The following AMMECR1 variants were observed in gnomAD, a reference collection of about 807,000 sequenced individuals.
The protein encoded by AMMECR1 is nuclear protein AMMECR1.
AMMECR1 carries 3 observed loss-of-function variants against 22.5 expected under a neutral mutation model. The observed-to-expected ratio is 0.13, with a 90% CI of 0.06 to 0.35. AMMECR1 has a LOEUF of 0.35. Ranked by LOEUF, AMMECR1 falls within the 10% of genes least tolerant of loss-of-function variation. The pLI, the probability that AMMECR1 is intolerant of heterozygous loss-of-function variation, is 1.00. For missense variants in AMMECR1, 235 were observed against 278.7 expected (o/e 0.84, Z 1.12); for synonymous variants, 130 against 116.7 (o/e 1.11, Z -0.74).
chrX:110,307,864 CTTTTTTTTTTTT>C (rs1162615101), intron 1 of AMMECR1, among the ~76,000 whole-genome samples: 1 of 63,620 alleles, frequency 1.6e-5, no homozygotes, highest in Non-Finnish European at 2.9e-5. Context: ...TTTTTTTTTT[CTTTTTTTTTTTT>C]TTTTTTTTTT....
chrX:110,203,784 A>G (rs1411436084), intron 3 of AMMECR1, among the ~76,000 whole-genome samples: 1 of 111,219 alleles, frequency 9.0e-6, no homozygotes, highest in African/African-American at 3.3e-5. Flanking sequence ...AAATTTTCCA[A>G]TTTTTTCAGG....
chrX:110,343,704 C>T (rs2068175161), intron 2 of AMMECR1, among the ~76,000 whole-genome samples: 1 of 110,850 alleles, frequency 9.0e-6, no homozygotes, highest in Non-Finnish European at 1.9e-5. Context: ...CAATAACAGA[C>T]AAGCAGAAAG....
At chrX:110,210,510 G>C (rs1049023331) in intron 3 of AMMECR1, among the ~76,000 whole-genome samples, 5 of 111,645 alleles carry the variant, frequency 4.5e-5, no homozygotes, top group Non-Finnish European at 1.9e-5. Flanking sequence ...CATGAGTCAT[G>C]CTTACCATCT....
At chrX:110,430,546 C>T (rs1277004455) in intron 1 of AMMECR1, among the ~76,000 whole-genome samples, 1 of 111,784 alleles carries the variant, frequency 8.9e-6, no homozygotes, top group Non-Finnish European at 1.9e-5. Context: ...TACTTACCAC[C>T]TTGTATTGGA....
chrX:110,349,589 C>T (rs745308551), intron 2 of AMMECR1, among the ~76,000 whole-genome samples: 1 of 111,871 alleles, frequency 8.9e-6, no homozygotes, highest in East Asian at 2.8e-4. Flanking sequence ...TTATCTGGCT[C>T]TTAAACCTGT....
chrX:110,245,161 C>T (rs1208737918), intron 2 of AMMECR1, among the ~76,000 whole-genome samples: 1 of 112,020 alleles, frequency 8.9e-6, no homozygotes, highest in Non-Finnish European at 1.9e-5. Flanking sequence ...TGGATCTTCT[C>T]CCACTGAAGG....
chrX:110,364,080 G>T (rs1272910642), intron 2 of AMMECR1, among the ~76,000 whole-genome samples: 2 of 111,143 alleles, frequency 1.8e-5, no homozygotes, highest in Non-Finnish European at 3.8e-5. Flanking sequence ...GTGTTGGCAG[G>T]GCCATGCTCC....
chrX:110,323,479 A>AT (rs1427015041), intron 2 of AMMECR1, among the ~76,000 whole-genome samples: 6 of 111,930 alleles, frequency 5.4e-5, no homozygotes, highest in Non-Finnish European at 9.4e-5. Flanking sequence ...TATTCTGAGC[A>AT]TTTCATATAC....
intron 1 of AMMECR1, among the ~76,000 whole-genome samples, chrX:110,296,814 C>G (rs951292556): frequency 9.1e-6 from 1 of 110,383 alleles, no homozygotes; most frequent in East Asian, 2.8e-4. Context: ...ATTTTTTGAA[C>G]AGGTTTACAA....
chrX:110,365,287 G>C (rs938646976), intron 2 of AMMECR1, among the ~76,000 whole-genome samples: 21 of 111,696 alleles, frequency 1.9e-4, no homozygotes, highest in African/African-American at 6.5e-4. Context: ...CAAGATTCTG[G>C]AATAATTCTG....
At chrX:110,211,938 G>T (rs1230462375) in intron 3 of AMMECR1, among the ~76,000 whole-genome samples, 1 of 111,499 alleles carries the variant, frequency 9.0e-6, no homozygotes, top group East Asian at 2.8e-4. Context: ...TATTTTAAAT[G>T]TTATAATTAC....
chrX:110,264,802 A>G, intron 1 of AMMECR1, among the ~76,000 whole-genome samples: 1 of 111,651 alleles, frequency 9.0e-6, no homozygotes, highest in Non-Finnish European at 1.9e-5. Flanking sequence ...AGTGTATCCT[A>G]TATGTTTGCT....
At chrX:110,324,546 G>T (rs2068090562) in intron 2 of AMMECR1, among the ~76,000 whole-genome samples, 1 of 110,655 alleles carries the variant, frequency 9.0e-6, no homozygotes, top group African/African-American at 3.3e-5. Flanking sequence ...ATATAATGGG[G>T]AAAGCTTTCT....
intron 2 of AMMECR1, among the ~76,000 whole-genome samples, chrX:110,395,351 C>T (rs1000542869): frequency 8.9e-6 from 1 of 112,160 alleles, no homozygotes; most frequent in Admixed American, 9.4e-5. Context: ...TTTCCCTCTT[C>T]ACCAGGGCAG....
At chrX:110,326,344 T>C (rs1422049453) in intron 2 of AMMECR1, among the ~76,000 whole-genome samples, 2 of 112,469 alleles carry the variant, frequency 1.8e-5, no homozygotes, top group African/African-American at 6.5e-5. Flanking sequence ...AAGTATTTTC[T>C]AATTTCCCTT....
At chrX:110,297,069 T>C (rs2067940721) in intron 1 of AMMECR1, among the ~76,000 whole-genome samples, 1 of 111,991 alleles carries the variant, frequency 8.9e-6, no homozygotes, top group African/African-American at 3.2e-5. Flanking sequence ...AAGCCTATAT[T>C]CCCTGTCATG....
At position 110,410,603 on chromosome X, in the gene AMMECR1, G is replaced by A. The variant is rs775327050; in HGVS notation, c.-148+16055C>T. On this transcript the variant is annotated intron_variant, in intron 2 of 7. Coordinates refer to the AMMECR1 transcript ENST00000372057. Reference sequence around the variant, plus strand: ...ACTCCCACTTTACTTTTCTTTTTCTGTGGAGATGCTCTCCCAGATGCTTGT... The same window carrying A: ...ACTCCCACTTTACTTTTCTTTTTCTATGGAGATGCTCTCCCAGATGCTTGT... Among the ~76,000 whole-genome samples, 3 of 111,902 alleles carry A rather than the reference G, an allele frequency of 2.7e-5. No individual in the cohort carries two copies. The East Asian group carries it at 8.4e-4, about 31-fold the overall frequency.
intron 2 of AMMECR1, among the ~76,000 whole-genome samples, chrX:110,241,071 A>T (rs2067629961): frequency 8.9e-6 from 1 of 112,114 alleles, no homozygotes; most frequent in Non-Finnish European, 1.9e-5. Context: ...TTTGGGACAC[A>T]GCTAAAGCAG....
At chrX:110,250,584 C>A (rs767121543) in intron 2 of AMMECR1, among the ~76,000 whole-genome samples, 11 of 112,326 alleles carry the variant, frequency 9.8e-5, no homozygotes, top group Non-Finnish European at 9.4e-5. Context: ...CTGGTTAATG[C>A]AGCTTTCTAT....
Sources: gnomAD v4.1 joint callset for allele counts (sites outside exome capture counted in the v4.1 genomes callset) on GRCh38, gnomAD v4.1.1 for gene constraint, MANE v1.5 for transcripts, NCBI Gene and HGNC (gene_info 2026-07-23, HGNC 2026-07-21) for gene names.